Variants in KAT6B observed in about 807,000 individuals in gnomAD.
The protein encoded by KAT6B is lysine acetyltransferase 6B.
Under a neutral mutation model 187.5 loss-of-function variants are expected in KAT6B, and 10 were observed. The ratio of observed to expected loss-of-function variants is 0.05; its 90% CI spans 0.03 to 0.09. The LOEUF is 0.09. Ranked by LOEUF, KAT6B falls within the 10% of genes least tolerant of loss-of-function variation. The pLI is 1.00. For synonymous variants in KAT6B, 861 were observed against 926.8 expected, an observed-to-expected ratio of 0.93 and a Z score of 1.29; for missense variants, 1,952 against 2,558.9, an observed-to-expected ratio of 0.76 and a Z score of 5.12.
intron 3 of KAT6B, among the ~76,000 whole-genome samples, chr10:74,927,241 G>C (rs1848572337): frequency 6.6e-6 from 1 of 152,148 alleles, no homozygotes; most frequent in African/African-American, 2.4e-5. Flanking sequence ...CCCTCCCTTT[G>C]CTCCCATAGT....
intron 11 of KAT6B, chr10:74,984,385 A>G (rs927158845): frequency 1.3e-5 from 2 of 152,358 alleles, no homozygotes; most frequent in South Asian, 2.1e-4. Flanking sequence ...ACATTTGATC[A>G]AAGAAATTGG....
chr10:74,916,636 C>G (rs1380142267), intron 3 of KAT6B, among the ~76,000 whole-genome samples: 1 of 152,120 alleles, frequency 6.6e-6, no homozygotes, highest in East Asian at 1.9e-4. Flanking sequence ...ATTAAATTTG[C>G]TTTGTACTTC....
rs765834987 is a variant in KAT6B at position 75,020,742 on chromosome 10, G to T, written c.2790G>T (p.Ala930=). The part of the protein sequence containing the change: ...RHISIKAISR[A]TGMCPHDIAT... ...TCAGCATCAAGGCAATTAGCAGAGC[G>T]ACGGGCATGTGCCCACATGACATTG... Residue 930 remains alanine (A), a synonymous_variant, in exon 14 of 18, where the codon GCG becomes GCT. Transcript: ENST00000287239. 24 of 1,614,066 alleles carry T rather than the reference G, an allele frequency of 1.5e-5. No homozygotes were observed. In the African/African-American group the frequency reaches 3.1e-4, roughly 21 times the overall value.
At position 75,029,822 on chromosome 10, in the gene KAT6B, A is replaced by G; in HGVS notation, c.4998A>G (p.Gly1666=). Residue 1666 remains glycine, a synonymous_variant, in exon 18 of 18, where the codon GGA becomes GGG. Coordinates refer to ENST00000287239, the MANE Select transcript of KAT6B (RefSeq NM_012330.4). This position sits in a 1 kb window ranked among gnomAD's most constrained non-coding sequence, Gnocchi z 6.2. ...ATTCACAGCAAGTCGTAGACAGTGG[A>G]TTTAGTGACCTGGGCAGTATCGAGA... ...SDHSQQVVDS[G]FSDLGSIEST... is the part of the protein sequence containing the mutation. The G allele has an allele frequency of 1.2e-6, 2 of 1,614,206 alleles. No homozygotes were observed. Among genetic ancestry groups the G allele is most frequent in the South Asian group, 1.1e-5 (1 of 91,088 alleles).
At position 75,029,192 on chromosome 10, in the gene KAT6B, G is replaced by A. The variant is rs1241673346; in HGVS notation, c.4368G>A (p.Gln1456=). 6.2e-7 allele frequency: 1 copy of A among 1,614,014 alleles called. No individual in the cohort carries two copies. Among genetic ancestry groups the A allele is most frequent in the African/African-American group, 1.3e-5 (1 of 74,888 alleles). The stretch of plus-strand genomic sequence containing the variant: ...GCTTCAAAGAAGTACTGGAAAACCA[G>A]GAGACTTTTTTAGACCTTAATGTGC... ...RESFKEVLEN[Q]ETFLDLNVQP... is the part of the protein sequence containing the mutation. Residue 1456 remains glutamine, a synonymous_variant, in exon 18 of 18, where the codon CAG becomes CAA. Coordinates refer to ENST00000287239, the MANE Select transcript of KAT6B (RefSeq NM_012330.4). The surrounding 1 kb of genome is among the most constrained non-coding windows in gnomAD (Gnocchi z 6.2).
intron 13 of KAT6B, among the ~76,000 whole-genome samples, chr10:74,999,388 G>A (rs1023241067): frequency 2.0e-5 from 3 of 152,214 alleles, no homozygotes; most frequent in African/African-American, 7.2e-5. Flanking sequence ...TCGTGGACAT[G>A]CGGTGGTAGC....
chr10:74,866,277 C>T (rs910277026), intron 3 of KAT6B, among the ~76,000 whole-genome samples: 1 of 151,094 alleles, frequency 6.6e-6, no homozygotes, highest in Non-Finnish European at 1.5e-5. Context: ...TTGGGAGATG[C>T]CTTCGGAAGT....
intron 3 of KAT6B, 66 bp downstream of exon 3, chr10:74,843,544 A>G: frequency 1.3e-6 from 2 of 1,582,830 alleles, no homozygotes; most frequent in Non-Finnish European, 1.7e-6. Flanking sequence ...GTTTCACTTA[A>G]GTTTTATGTG....
At chr10:74,985,299 C>A in intron 12 of KAT6B, 58 bp downstream of exon 12, 1 of 1,536,400 alleles carries the variant, frequency 6.5e-7, no homozygotes, top group Admixed American at 1.7e-5. Flanking sequence ...TTGGTAGAGC[C>A]CAATTCTTTG....
At chr10:74,889,571 T>G (rs1237236680) in intron 3 of KAT6B, among the ~76,000 whole-genome samples, 2 of 152,208 alleles carry the variant, frequency 1.3e-5, no homozygotes, top group African/African-American at 4.8e-5. Flanking sequence ...GGTGCCAGGC[T>G]TTTTATACTG....
intron 3 of KAT6B, among the ~76,000 whole-genome samples, chr10:74,927,215 G>A (rs1848570871): frequency 6.6e-6 from 1 of 152,180 alleles, no homozygotes; most frequent in Non-Finnish European, 1.5e-5. Flanking sequence ...TCAGACTTCT[G>A]TGCATTACTT....
chr10:74,885,521 C>G (rs1181113652), intron 3 of KAT6B, among the ~76,000 whole-genome samples: 2 of 152,090 alleles, frequency 1.3e-5, no homozygotes, highest in Non-Finnish European at 2.9e-5. Flanking sequence ...GCAAGTTTAT[C>G]AAACTTAAAT....
intron 4 of KAT6B, among the ~76,000 whole-genome samples, chr10:74,960,596 C>T (rs1409367066): frequency 6.6e-6 from 1 of 151,812 alleles, no homozygotes; most frequent in Non-Finnish European, 1.5e-5. Flanking sequence ...AACACCATAG[C>T]TAATTCTTGT....
In KAT6B at chr10:75,030,655, A is replaced by G. The variant is rs143966521; in HGVS notation, c.5831A>G (p.Tyr1944Cys). ...PAAATHQSQI[Y>C]GRSQTVAMQG... ...GCTGCCACCCATCAGTCACAAATCT[A>G]TGGGCGCTCCCAGACTGTAGCCATG... Residue 1944 changes from tyrosine to cysteine, a missense_variant, in exon 18 of 18, where the codon TAT becomes TGT. Tyr to Cys is a radical substitution (Grantham distance 194). This residue lies in a region of KAT6B where 358 missense variants were observed against 436.3 expected (regional missense o/e 0.82). Transcript: ENST00000287239. The surrounding 1 kb of genome is among the most constrained non-coding windows in gnomAD (Gnocchi z 4.8). 29 of 1,614,092 alleles carry G rather than the reference A, an allele frequency of 1.8e-5. No homozygotes were observed. The highest frequency in any genetic ancestry group is 1.1e-4 in the African/African-American group (8 of 74,940).
At chr10:74,870,099 G>A (rs1843808105) in intron 3 of KAT6B, among the ~76,000 whole-genome samples, 1 of 152,014 alleles carries the variant, frequency 6.6e-6, no homozygotes, top group Non-Finnish European at 1.5e-5. Flanking sequence ...GGGCAACTTA[G>A]CGAGACCCCA....
At chr10:74,836,791 T>C (rs1415463646) in intron 1 of KAT6B, among the ~76,000 whole-genome samples, 1 of 152,204 alleles carries the variant, frequency 6.6e-6, no homozygotes, top group African/African-American at 2.4e-5. Flanking sequence ...AGATACTGCT[T>C]AGATTTGTGG....
intron 3 of KAT6B, among the ~76,000 whole-genome samples, chr10:74,937,526 G>A (rs989773803): frequency 5.3e-5 from 8 of 152,088 alleles, no homozygotes; most frequent in African/African-American, 1.9e-4. Flanking sequence ...AGAAAAAGAA[G>A]GTCTTTAAAT....
chr10:74,832,455 G>A (rs575593966), intron 1 of KAT6B, among the ~76,000 whole-genome samples: 3 of 151,734 alleles, frequency 2.0e-5, no homozygotes, highest in African/African-American at 4.8e-5. Flanking sequence ...GGAGACCCCC[G>A]CCTCTATTTT....
At chr10:74,903,870 A>G (rs1026248386) in intron 3 of KAT6B, among the ~76,000 whole-genome samples, 1 of 152,250 alleles carries the variant, frequency 6.6e-6, no homozygotes, top group Non-Finnish European at 1.5e-5. Flanking sequence ...GTAGACTTAC[A>G]GGAGCCTAGC....
Sources: gnomAD v4.1 joint callset for allele counts (sites outside exome capture counted in the v4.1 genomes callset) on GRCh38, gnomAD v4.1.1 for gene constraint, gnomAD v4.1.1 regional missense constraint, Gnocchi (gnomAD v3.1) non-coding constraint, MANE v1.5 for transcripts, NCBI Gene and HGNC (gene_info 2026-07-23, HGNC 2026-07-21) for gene names.